The following DLGAP2 variants were observed in gnomAD, a reference collection of about 807,000 sequenced individuals.
DLGAP2 encodes disks large-associated protein 2.
A neutral mutation model predicts 100.3 loss-of-function variants in DLGAP2; 26 were observed. The observed-to-expected ratio is 0.26, with a 90% CI of 0.19 to 0.36. DLGAP2 has a LOEUF of 0.36. Among genes scored for constraint, DLGAP2 ranks in the 10% least tolerant of loss-of-function variants. DLGAP2 has a pLI of 1.00. For missense variants in DLGAP2, 1,858 were observed against 1,453.2 expected, an observed-to-expected ratio of 1.28 and a Z score of -4.53; for synonymous variants, 886 against 630.1, an observed-to-expected ratio of 1.41 and a Z score of -6.08.
At chr8:1,155,886 C>T (rs922997804) in intron 2 of DLGAP2, among the ~76,000 whole-genome samples, 2 of 152,126 alleles carry the variant, frequency 1.3e-5, no homozygotes, top group African/African-American at 4.8e-5. Flanking sequence ...CTGTCTGCAT[C>T]CAGCGGCGGG....
At chr8:872,963 C>T (rs989407823) in intron 1 of DLGAP2, among the ~76,000 whole-genome samples, 3 of 152,228 alleles carry the variant, frequency 2.0e-5, no homozygotes, top group African/African-American at 7.2e-5. Flanking sequence ...AACCTACACA[C>T]ATCCTCCTGC....
chr8:1,183,699 C>G (rs376041140), intron 2 of DLGAP2, among the ~76,000 whole-genome samples: 1 of 152,196 alleles, frequency 6.6e-6, no homozygotes, highest in Admixed American at 6.5e-5. Context: ...TGCTTCCACC[C>G]CAGTCCTCAT....
chr8:1,144,814 C>CGGCCTGTACCCACAGT (rs1796578180), intron 2 of DLGAP2, among the ~76,000 whole-genome samples: 1 of 63,004 alleles, frequency 1.6e-5, no homozygotes, highest in Admixed American at 1.7e-4. Context: ...GTATGCACAA[C>CGGCCTGTACCCACAGT]CAAACCGCAG....
intron 8 of DLGAP2, among the ~76,000 whole-genome samples, chr8:1,662,848 C>G (rs62483117): frequency 4.1e-5 from 6 of 145,528 alleles, no homozygotes; most frequent in African/African-American, 1.6e-4. Flanking sequence ...GAATGTGTGC[C>G]TGTGTGTACA....
At chr8:1,508,831 G>A (rs1414404875) in intron 4 of DLGAP2, among the ~76,000 whole-genome samples, 1 of 151,734 alleles carries the variant, frequency 6.6e-6, no homozygotes, top group Admixed American at 6.6e-5. Context: ...ACGGGGCCAG[G>A]CTCGGGCTCC....
intron 2 of DLGAP2, among the ~76,000 whole-genome samples, chr8:1,007,076 C>T (rs1801137144): frequency 6.6e-6 from 1 of 151,858 alleles, no homozygotes; most frequent in South Asian, 2.1e-4. Context: ...TCTGAAGTCT[C>T]AGAATACGGT....
intron 3 of DLGAP2, among the ~76,000 whole-genome samples, chr8:1,452,827 A>G (rs745404560): frequency 1.3e-5 from 2 of 152,154 alleles, no homozygotes; most frequent in African/African-American, 4.8e-5. Context: ...ATCCCAGCCT[A>G]TGAAACCAGA....
chr8:1,092,612 C>A (rs752796320), intron 2 of DLGAP2, among the ~76,000 whole-genome samples: 8 of 152,222 alleles, frequency 5.3e-5, no homozygotes, highest in Non-Finnish European at 1.2e-4. Context: ...TCTCCAGGGA[C>A]AGAGCCTTCA....
chr8:825,952 A>G (rs1417705976), intron 1 of DLGAP2, among the ~76,000 whole-genome samples: 1 of 152,230 alleles, frequency 6.6e-6, no homozygotes, highest in Non-Finnish European at 1.5e-5. Flanking sequence ...CTATCTGACT[A>G]TATTTTTATA....
intron 3 of DLGAP2, among the ~76,000 whole-genome samples, chr8:1,263,755 C>G (rs118013355): frequency 0.033 from 5,048 of 152,238 alleles, 127 homozygotes; most frequent in South Asian, 0.094. Context: ...AACCCCAGCC[C>G]TGTTCTCTGC....
intron 3 of DLGAP2, among the ~76,000 whole-genome samples, chr8:1,361,464 T>G (rs1801980580): frequency 6.6e-6 from 1 of 152,112 alleles, no homozygotes; most frequent in Non-Finnish European, 1.5e-5. Flanking sequence ...TTTTTCCCCT[T>G]ATCTTCAGAA....
At chr8:1,390,264 G>C (rs890940294) in intron 3 of DLGAP2, among the ~76,000 whole-genome samples, 12 of 152,186 alleles carry the variant, frequency 7.9e-5, no homozygotes, top group Non-Finnish European at 1.2e-4. Context: ...GGCTTCTCCA[G>C]AAGGCGCAGA....
chr8:1,591,068 C>T (rs953247819), intron 6 of DLGAP2, among the ~76,000 whole-genome samples: 2 of 152,228 alleles, frequency 1.3e-5, no homozygotes, highest in African/African-American at 4.8e-5. Flanking sequence ...GCTCGGGACC[C>T]AACCCCATGC....
intron 5 of DLGAP2, among the ~76,000 whole-genome samples, chr8:1,564,267 A>G (rs1003907007): frequency 2.6e-5 from 4 of 152,170 alleles, no homozygotes; most frequent in African/African-American, 9.7e-5. Context: ...AGCTCCCGCA[A>G]TGGAAACCAT....
At chr8:1,211,939 G>A (rs978760266) in intron 2 of DLGAP2, among the ~76,000 whole-genome samples, 4 of 152,166 alleles carry the variant, frequency 2.6e-5, no homozygotes, top group South Asian at 4.1e-4. Context: ...AGTGCTCCTC[G>A]TGCTCCAGGC....
intron 2 of DLGAP2, among the ~76,000 whole-genome samples, chr8:1,186,197 C>G (rs1350230742): frequency 6.6e-6 from 1 of 152,244 alleles, no homozygotes; most frequent in Non-Finnish European, 1.5e-5. Context: ...GGGTCGGTGG[C>G]ACCGAGGGCA....
chr8:1,657,853 A>G (rs536729030), intron 8 of DLGAP2, among the ~76,000 whole-genome samples: 2 of 152,384 alleles, frequency 1.3e-5, no homozygotes, highest in African/African-American at 2.4e-5. Flanking sequence ...TGTCTGGGGT[A>G]TAAACCCTGG....
At chr8:1,376,499 A>G (rs1802391330) in intron 3 of DLGAP2, among the ~76,000 whole-genome samples, 1 of 152,226 alleles carries the variant, frequency 6.6e-6, no homozygotes, top group Non-Finnish European at 1.5e-5. Context: ...GCTCCGACGG[A>G]GCTGGAGGCC....
intron 1 of DLGAP2, among the ~76,000 whole-genome samples, chr8:779,575 C>A (rs988818394): frequency 6.6e-6 from 1 of 151,758 alleles, no homozygotes; most frequent in Non-Finnish European, 1.5e-5. Flanking sequence ...GTGATCTTCC[C>A]ACCTCAGTCT....
Sources: gnomAD v4.1 joint callset for allele counts (sites outside exome capture counted in the v4.1 genomes callset) on GRCh38, gnomAD v4.1.1 for gene constraint, MANE v1.5 for transcripts, NCBI Gene and HGNC (gene_info 2026-07-23, HGNC 2026-07-21) for gene names.